Variants in BTAF1 observed in about 807,000 individuals in gnomAD.
BTAF1 encodes the protein B-TFIID TATA-box binding protein associated factor 1, also known as TATA-binding protein-associated factor 172.
Under a neutral mutation model 227.1 loss-of-function variants are expected in BTAF1, and 38 were observed. That is an observed-to-expected ratio of 0.17 (90% CI 0.13 to 0.22). The LOEUF is 0.22. Ranked by LOEUF, BTAF1 falls within the 10% of genes least tolerant of loss-of-function variation. The pLI is 1.00. For missense variants in BTAF1, 1,598 were observed against 2,204.0 expected (o/e 0.73, Z 5.51); for synonymous variants, 742 against 751.9 (o/e 0.99, Z 0.21).
chr10:91,960,875 A>T (rs532597912), intron 11 of BTAF1, among the ~76,000 whole-genome samples: 1 of 152,298 alleles, frequency 6.6e-6, no homozygotes, highest in Non-Finnish European at 1.5e-5. Context: ...AAAAACTCTG[A>T]TATATTCTGG....
intron 20 of BTAF1, among the ~76,000 whole-genome samples, chr10:91,991,673 T>C (rs1848762906): frequency 6.6e-6 from 1 of 151,442 alleles, no homozygotes. Context: ...TTGGATCTCT[T>C]GAGCCCAGGA....
At chr10:92,004,238 A>G (rs1317787934) in intron 25 of BTAF1, among the ~76,000 whole-genome samples, 2 of 152,086 alleles carry the variant, frequency 1.3e-5, no homozygotes, top group African/African-American at 4.8e-5. Flanking sequence ...AGTTTGATGC[A>G]GTCCTATTTG....
intron 25 of BTAF1, among the ~76,000 whole-genome samples, chr10:92,006,379 C>G (rs1356897286): frequency 1.3e-5 from 2 of 152,206 alleles, no homozygotes; most frequent in African/African-American, 4.8e-5. Flanking sequence ...TAAATCCTAT[C>G]AATGAATGTT....
chr10:91,995,148 A>G (rs1206157009), intron 23 of BTAF1, among the ~76,000 whole-genome samples: 2 of 152,188 alleles, frequency 1.3e-5, no homozygotes, highest in Non-Finnish European at 2.9e-5. Flanking sequence ...GGGAGGAGGA[A>G]AATAGAGAAT....
At position 91,959,738 on chromosome 10, in the gene BTAF1, GTGTATATATATATATATATA is replaced by G. The variant is rs764204231; in HGVS notation, c.991-45_991-26del. On this transcript the variant is annotated intron_variant, in intron 9 of 37. Transcript: ENST00000265990. ...AAAAAATGTGTGTGTGTGTGTGTGT[GTGTATATATATATATATATA>G]TATATATATATATTATATTTTAACA... 90 of 371,104 alleles carry G rather than the reference GTGTATATATATATATATATA, an allele frequency of 2.4e-4. 3 individuals are homozygous for G. In the African/African-American group the frequency reaches 3.2e-3, roughly 13 times the overall value. The allele number at this position is 371,104 out of a possible 1,614,324, so 23.0% of individuals were successfully genotyped here.
chr10:92,021,801 C>T (rs1851151126), intron 34 of BTAF1, among the ~76,000 whole-genome samples: 1 of 151,980 alleles, frequency 6.6e-6, no homozygotes, highest in South Asian at 2.1e-4. Flanking sequence ...GCCTGGGCCT[C>T]CTAAAGTGCT....
intron 15 of BTAF1, among the ~76,000 whole-genome samples, chr10:91,981,440 C>A (rs1006757483): frequency 2.0e-5 from 3 of 151,428 alleles, no homozygotes; most frequent in Non-Finnish European, 2.9e-5. Context: ...TAAAAAAAAA[C>A]TTTCCTTTGC....
chr10:92,028,765 T>A (rs949224415), intron 37 of BTAF1, 25 bp from the exon 38 acceptor site: 9 of 1,576,222 alleles, frequency 5.7e-6, no homozygotes, highest in African/African-American at 4.1e-5. Flanking sequence ...TTTTATTTTT[T>A]TTTTTTTTGC....
At chr10:91,939,558 C>T (rs1042299145) in intron 2 of BTAF1, among the ~76,000 whole-genome samples, 3 of 152,204 alleles carry the variant, frequency 2.0e-5, no homozygotes, top group African/African-American at 4.8e-5. Flanking sequence ...CCTGTCTCAG[C>T]CTCCCAAGTA....
chr10:92,002,680 G>A (rs2134077704), intron 25 of BTAF1, among the ~76,000 whole-genome samples: 1 of 152,164 alleles, frequency 6.6e-6, no homozygotes, highest in South Asian at 2.1e-4. Flanking sequence ...TTTGAAAATA[G>A]ACTCAATCTA....
chr10:92,030,722 G>C lies in BTAF1; in HGVS notation c.*1789G>C, dbSNP rs1322716109. On this transcript the variant is annotated 3_prime_UTR_variant, in exon 38 of 38. Coordinates refer to ENST00000265990, the MANE Select transcript of BTAF1 (RefSeq NM_003972.3). ...GTGTGTATTTCTAGAAGGATGACTA[G>C]AAAAATGATGTGTGGTTGCTTCTGA... 6.6e-6 allele frequency among the ~76,000 whole-genome samples: 1 copy of C among 152,150 alleles called. No individual in the cohort carries two copies. The highest frequency in any genetic ancestry group is 1.5e-5 in the Non-Finnish European group (1 of 68,002).
intron 25 of BTAF1, among the ~76,000 whole-genome samples, chr10:92,001,367 G>C (rs1849517269): frequency 6.6e-6 from 1 of 152,160 alleles, no homozygotes; most frequent in South Asian, 2.1e-4. Flanking sequence ...CTTTGAGACT[G>C]GGGAAAGAGT....
intron 11 of BTAF1, among the ~76,000 whole-genome samples, chr10:91,960,575 T>A (rs1239490148): frequency 6.8e-6 from 1 of 147,406 alleles, no homozygotes; most frequent in Non-Finnish European, 1.5e-5. Flanking sequence ...ACTTTTTACA[T>A]AAACTGTCAG....
intron 37 of BTAF1, among the ~76,000 whole-genome samples, chr10:92,028,017 T>C (rs966382715): frequency 6.6e-6 from 1 of 152,194 alleles, no homozygotes; most frequent in Non-Finnish European, 1.5e-5. Context: ...GAAATATGTC[T>C]AGTTTGGGGA....
At chr10:91,960,758 T>C (rs771712889) in intron 11 of BTAF1, among the ~76,000 whole-genome samples, 36 of 152,170 alleles carry the variant, frequency 2.4e-4, no homozygotes, top group Non-Finnish European at 4.1e-4. Flanking sequence ...TGGCATGTCT[T>C]ATAGAACAGT....
Position 91,989,550 on chromosome 10 carries a change from C to G in BTAF1, c.2824C>G (p.Pro942Ala). 1.2e-6 allele frequency: 2 copies of G among 1,605,846 alleles called. No individual in the cohort carries two copies. The highest frequency in any genetic ancestry group is 1.7e-6 in the Non-Finnish European group (2 of 1,177,798). The change falls in exon 20 of 38, where the codon CCA becomes GCA. Residue 942 changes from proline to alanine, a missense_variant. Around this residue, in one of 10 missense-constraint regions of BTAF1, gnomAD observed 425 missense variants for 491.2 expected, o/e 0.87. Coordinates refer to ENST00000265990, the MANE Select transcript of BTAF1 (RefSeq NM_003972.3). ...AACTCCTTGTGTCACATGTCCAGTA[C>G]CAACACAAAGTGGCCAGGAAAATTC... Reference protein sequence around the residue: ...YLTPCVTCPVPTQSGQENSKG... With the variant: ...YLTPCVTCPVATQSGQENSKG...
At chr10:91,981,330 T>TA (rs1322656547) in intron 15 of BTAF1, among the ~76,000 whole-genome samples, 3 of 152,202 alleles carry the variant, frequency 2.0e-5, no homozygotes, top group African/African-American at 7.2e-5. Flanking sequence ...AGTCTTATGA[T>TA]ATATGCAAAG....
intron 33 of BTAF1, among the ~76,000 whole-genome samples, chr10:92,017,861 A>G (rs918963052): frequency 2.0e-5 from 3 of 152,146 alleles, no homozygotes; most frequent in African/African-American, 4.8e-5. Flanking sequence ...AGCCTTGCCA[A>G]TGGAGCTTAC....
At chr10:92,009,699 G>A (rs1049706807) in intron 28 of BTAF1, among the ~76,000 whole-genome samples, 10 of 152,150 alleles carry the variant, frequency 6.6e-5, no homozygotes, top group African/African-American at 2.4e-4. Context: ...CCTTTGCTTT[G>A]TTCCCTTTCC....
Sources: allele counts gnomAD v4.1 joint callset (sites outside exome capture counted in the v4.1 genomes callset), GRCh38; gene constraint gnomAD v4.1.1; regional missense constraint gnomAD v4.1.1; transcripts MANE v1.5; gene names NCBI Gene and HGNC (gene_info 2026-07-23, HGNC 2026-07-21).